HSD11B1: variants seen among roughly 807,000 people sequenced by gnomAD.
HSD11B1 encodes the protein 11-beta-hydroxysteroid dehydrogenase 1.
A neutral mutation model predicts 22.1 loss-of-function variants in HSD11B1; 15 were observed. That is an observed-to-expected ratio of 0.68 (90% CI 0.45 to 1.04). The LOEUF (loss-of-function observed/expected upper bound fraction) is 1.04. HSD11B1 is among the 50% of genes least tolerant of loss of function. The pLI is 0.00. For missense variants in HSD11B1, 281 were observed against 357.6 expected (o/e 0.79, Z 1.73); for synonymous variants, 122 against 125.2 (o/e 0.97, Z 0.17).
At chr1:209,710,215 A>G (rs1267789500) in intron 4 of HSD11B1, among the ~76,000 whole-genome samples, 1 of 152,248 alleles carries the variant, frequency 6.6e-6, no homozygotes, top group East Asian at 1.9e-4. Flanking sequence ...TAGTCAAAAT[A>G]GGTCATCTTA....
In HSD11B1 at chr1:209,706,639, C is replaced by T. The variant is rs535292967; in HGVS notation, c.220-70C>T. ...TGAGCAATCTCTCATTTAAGCCCCC[C>T]GTTACTTCAGAGACTACCCCCCAAA... is the stretch of plus-strand genomic sequence containing the variant. On this transcript the variant is annotated intron_variant, in intron 2 of 5. Transcript: ENST00000367027. The surrounding 1 kb of genome is among the most constrained non-coding windows in gnomAD (Gnocchi z 4.0). 36 of 982,380 alleles carry T rather than the reference C, an allele frequency of 3.7e-5. No homozygotes were observed. Among genetic ancestry groups the T allele is most frequent in the African/African-American group, 3.5e-4 (22 of 62,904 alleles). The allele number at this position is 982,380 out of a possible 1,614,324, so 60.9% of individuals were successfully genotyped here. A position where few individuals can be genotyped will look rare whatever the true frequency, so the allele number is the denominator to read the frequency against.
At chr1:209,696,653 G>A (rs2076793078) in intron 1 of HSD11B1, among the ~76,000 whole-genome samples, 2 of 152,194 alleles carry the variant, frequency 1.3e-5, no homozygotes, top group Non-Finnish European at 2.9e-5. Flanking sequence ...AGCCTATAAA[G>A]AAAACTGAGA....
At chr1:209,718,240 A>G (rs1003157043) in intron 4 of HSD11B1, among the ~76,000 whole-genome samples, 1 of 152,216 alleles carries the variant, frequency 6.6e-6, no homozygotes, top group Non-Finnish European at 1.5e-5. Context: ...AGGACTTGAA[A>G]TGTTCTCAAC....
At chr1:209,710,964 G>A (rs996709330) in intron 4 of HSD11B1, among the ~76,000 whole-genome samples, 6 of 151,850 alleles carry the variant, frequency 4.0e-5, no homozygotes, top group Admixed American at 1.3e-4. Context: ...TTTAATGTAC[G>A]TGTGCAGTCT....
chr1:209,695,555 A>T (rs2076785867), intron 1 of HSD11B1, among the ~76,000 whole-genome samples: 1 of 152,236 alleles, frequency 6.6e-6, no homozygotes, highest in Non-Finnish European at 1.5e-5. Flanking sequence ...TCACACCTGT[A>T]ATCCCAGCAC....
At chr1:209,730,523 G>A (rs1465786662) in intron 4 of HSD11B1, among the ~76,000 whole-genome samples, 7 of 152,078 alleles carry the variant, frequency 4.6e-5, no homozygotes, top group Admixed American at 1.3e-4. Context: ...GGCCTATTAC[G>A]GCAAGAAAAT....
upstream of HSD11B1, among the ~76,000 whole-genome samples, chr1:209,702,073 G>T (rs2102365462): frequency 6.6e-6 from 1 of 152,348 alleles, no homozygotes; most frequent in Non-Finnish European, 1.5e-5. Context: ...GGAGTGAACT[G>T]TTCACTGTTT....
intron 4 of HSD11B1, among the ~76,000 whole-genome samples, chr1:209,710,816 A>G (rs1371363574): frequency 6.6e-6 from 1 of 152,258 alleles, no homozygotes; most frequent in Non-Finnish European, 1.5e-5. Flanking sequence ...GAGAAGCTCC[A>G]TAAGTGTCTC....
chr1:209,700,611 C>T (rs2076820905), upstream of HSD11B1, among the ~76,000 whole-genome samples: 1 of 152,200 alleles, frequency 6.6e-6, no homozygotes, highest in Non-Finnish European at 1.5e-5. Context: ...ACATTTGGCT[C>T]CTTGCTACGT....
chr1:209,712,600 C>T (rs1200820247), intron 4 of HSD11B1, among the ~76,000 whole-genome samples: 1 of 152,056 alleles, frequency 6.6e-6, no homozygotes. Flanking sequence ...GGAACCAATC[C>T]CCCTTTGAAT....
intron 5 of HSD11B1, 49 bp downstream of exon 5, chr1:209,732,628 T>C: frequency 6.7e-7 from 1 of 1,497,772 alleles, no homozygotes; most frequent in Non-Finnish European, 9.3e-7. Flanking sequence ...CTTTAAGTTC[T>C]AGGGTACATG....
chr1:209,693,041 T>C (rs1057032582), intron 1 of HSD11B1, among the ~76,000 whole-genome samples: 2 of 152,220 alleles, frequency 1.3e-5, no homozygotes, highest in Admixed American at 1.3e-4. Flanking sequence ...GCTGACGGCA[T>C]TGCCAGAAAT....
intron 4 of HSD11B1, among the ~76,000 whole-genome samples, chr1:209,711,638 G>A (rs976196004): frequency 1.3e-5 from 2 of 152,090 alleles, no homozygotes; most frequent in African/African-American, 4.8e-5. Flanking sequence ...TTGTGTAGAC[G>A]TGTCATCCAT....
At chr1:209,690,970 G>A (rs1271053321) in intron 1 of HSD11B1, among the ~76,000 whole-genome samples, 1 of 152,154 alleles carries the variant, frequency 6.6e-6, no homozygotes, top group Non-Finnish European at 1.5e-5. Context: ...AGTGGACCCA[G>A]TGGGTGCCCA....
At chr1:209,731,915 C>T (rs544508663) in intron 4 of HSD11B1, among the ~76,000 whole-genome samples, 147 of 152,308 alleles carry the variant, frequency 9.7e-4, no homozygotes, top group Middle Eastern at 6.8e-3. Flanking sequence ...TCATGTTAGT[C>T]AGGCTGGTCT....
At chr1:209,731,818 G>A (rs779406573) in intron 4 of HSD11B1, among the ~76,000 whole-genome samples, 1 of 152,114 alleles carries the variant, frequency 6.6e-6, no homozygotes, top group African/African-American at 2.4e-5. Flanking sequence ...AAATTCAAGC[G>A]ATTCACCTGC....
intron 1 of HSD11B1, among the ~76,000 whole-genome samples, chr1:209,691,358 A>C (rs1162108893): frequency 1.3e-5 from 2 of 152,260 alleles, no homozygotes; most frequent in Admixed American, 1.3e-4. Flanking sequence ...TCACTCCTGC[A>C]TACAAGGTCT....
upstream of HSD11B1, among the ~76,000 whole-genome samples, chr1:209,702,367 G>A (rs1007907162): frequency 6.6e-6 from 1 of 152,202 alleles, no homozygotes; most frequent in African/African-American, 2.4e-5. Context: ...AGCAAGGCTA[G>A]TGGGAAATGG....
At chr1:209,726,257 G>A (rs2077000302) in intron 4 of HSD11B1, among the ~76,000 whole-genome samples, 1 of 111,830 alleles carries the variant, frequency 8.9e-6, no homozygotes, top group African/African-American at 3.5e-5. Context: ...CTCCAACCTG[G>A]CAACAGAATG....
Sources: gnomAD v4.1 joint callset for allele counts (sites outside exome capture counted in the v4.1 genomes callset) on GRCh38, gnomAD v4.1.1 for gene constraint, Gnocchi (gnomAD v3.1) non-coding constraint, MANE v1.5 for transcripts, NCBI Gene and HGNC (gene_info 2026-07-23, HGNC 2026-07-21) for gene names.